Variants in INTS6L observed in about 807,000 individuals in gnomAD.
The protein encoded by INTS6L is integrator complex subunit 6 like.
A neutral mutation model predicts 64.7 loss-of-function variants in INTS6L; 18 were observed. That is an observed-to-expected ratio of 0.28 (90% CI 0.19 to 0.41). The LOEUF (loss-of-function observed/expected upper bound fraction) is 0.41. Ranked by LOEUF, INTS6L falls within the 10% of genes least tolerant of loss-of-function variation. INTS6L has a pLI of 1.00. For synonymous variants in INTS6L, 227 were observed against 235.9 expected, an observed-to-expected ratio of 0.96 and a Z score of 0.34; for missense variants, 533 against 661.0, an observed-to-expected ratio of 0.81 and a Z score of 2.12.
chrX:135,521,365 C>A (rs782583066), intron 2 of INTS6L, 47 bp downstream of exon 2: 1 of 1,140,406 alleles, frequency 8.8e-7, no homozygotes, highest in Non-Finnish European at 1.2e-6. Context: ...GGGAGCAAGT[C>A]GGCGGGGGCT....
At chrX:135,546,186 A>G (rs939344603) in intron 3 of INTS6L, among the ~76,000 whole-genome samples, 194 bp from the exon 4 acceptor site, 1 of 112,203 alleles carries the variant, frequency 8.9e-6, no homozygotes, top group Admixed American at 9.4e-5. Context: ...AGAATTCCTC[A>G]GTTTATACTG....
At chrX:135,578,667 G>A (rs1556532407) in intron 15 of INTS6L, among the ~76,000 whole-genome samples, 1 of 110,627 alleles carries the variant, frequency 9.0e-6, no homozygotes, top group African/African-American at 3.3e-5. Flanking sequence ...TTCTTCCCTC[G>A]CTTTGATACC....
chrX:135,572,625 C>T, intron 11 of INTS6L, 190 bp from the exon 12 acceptor site: 1 of 334,750 alleles, frequency 3.0e-6, no homozygotes, highest in Non-Finnish European at 5.2e-6. Context: ...TATTATTTGT[C>T]TTTCCTGCCC....
intron 9 of INTS6L, among the ~76,000 whole-genome samples, chrX:135,560,951 TTTTC>T (rs1412842273): frequency 1.5e-5 from 1 of 65,315 alleles, no homozygotes; most frequent in African/African-American, 4.7e-5. Context: ...TTTTTTTTTC[TTTTC>T]TTTCTTTTTT....
At chrX:135,581,489 A>G in intron 17 of INTS6L, 39 bp from the exon 18 acceptor site, 1 of 1,031,669 alleles carries the variant, frequency 9.7e-7, no homozygotes, top group Non-Finnish European at 1.4e-6. Flanking sequence ...TGAGTACTTT[A>G]AGTATCTTTT....
At chrX:135,573,908 T>C (rs1556529201) in intron 12 of INTS6L, 31 bp from the exon 13 acceptor site, 2 of 1,167,265 alleles carry the variant, frequency 1.7e-6, no homozygotes, top group Admixed American at 2.7e-5. Flanking sequence ...GCCTTAGGAG[T>C]AACTGAAATT....
At chrX:135,551,820 C>G (rs782595866) in intron 7 of INTS6L, among the ~76,000 whole-genome samples, 174 bp from the exon 8 acceptor site, 2 of 111,634 alleles carry the variant, frequency 1.8e-5, no homozygotes, top group Non-Finnish European at 3.8e-5. Flanking sequence ...GCCCTCTCTC[C>G]CATGGAAGCC....
intron 12 of INTS6L, among the ~76,000 whole-genome samples, chrX:135,573,538 C>T (rs1272876266): frequency 1.8e-5 from 2 of 112,596 alleles, no homozygotes; most frequent in African/African-American, 6.5e-5. Context: ...CCTATGGCAC[C>T]ACAGCAGCGG....
At chrX:135,569,716 A>T in intron 10 of INTS6L, 1 of 148,077 alleles carries the variant, frequency 6.8e-6, no homozygotes, top group Non-Finnish European at 1.3e-5. Context: ...TTTCATTGGA[A>T]TTTAAGAATA....
chrX:135,546,718 A>G lies in INTS6L; in HGVS notation c.446A>G (p.Asn149Ser). The G allele has an allele frequency of 8.3e-7, 1 of 1,207,125 alleles. No homozygotes were observed. Among genetic ancestry groups the G allele is most frequent in the Non-Finnish European group, 1.1e-6 (1 of 892,690 alleles). The part of the protein sequence containing the change: ...GVQEELHLPL[N>S]SPLPGSELTK... ...CCTTATCAGCTCCATCTTCCTTTGAATTCCCCTCTGCCTGGAAGTGAACTA... is the reference window on the plus strand; with the variant it reads ...CCTTATCAGCTCCATCTTCCTTTGAGTTCCCCTCTGCCTGGAAGTGAACTA... Residue 149 changes from asparagine (N) to serine (S), a missense_variant, in exon 5 of 18, where the codon AAT (asparagine) becomes AGT (serine). Asn to Ser is a conservative substitution (Grantham distance 46). Transcript: ENST00000639893.
chrX:135,581,354 G>C lies in INTS6L; in HGVS notation c.2589-174G>C, dbSNP rs782354814. 1.5e-3 allele frequency among the ~76,000 whole-genome samples: 171 copies of C among 111,846 alleles called. 1 individual carries two copies. The highest frequency in any genetic ancestry group is 5.3e-3 in the African/African-American group (164 of 30,833). On this transcript the variant is annotated intron_variant, in intron 17 of 17. Coordinates refer to ENST00000639893, the MANE Select transcript of INTS6L (RefSeq NM_001351601.3). Reference sequence around the variant, plus strand: ...CTACTTTTATCATAGCCTCAGGTAGGCTTGGGCCCTCAATTGCCACTATTG... The same window carrying C: ...CTACTTTTATCATAGCCTCAGGTAGCCTTGGGCCCTCAATTGCCACTATTG...
Position 135,562,931 on chromosome X carries a change from A to G in INTS6L, c.1193-6406A>G, listed in dbSNP as rs782476201. Among the ~76,000 whole-genome samples, 9 of 111,492 alleles carry G rather than the reference A, an allele frequency of 8.1e-5. No homozygotes were observed. In the South Asian group the frequency reaches 1.1e-3, roughly 14 times the overall value. ...TCATGTTTTTTAATCCACTCTGCCA[A>G]TCTTTGTTTTCTAATTGATGTATTT... On this transcript the variant is annotated intron_variant, in intron 9 of 17. Transcript: ENST00000639893.
chrX:135,543,814 A>G (rs1188115129), intron 2 of INTS6L, among the ~76,000 whole-genome samples: 1 of 112,323 alleles, frequency 8.9e-6, no homozygotes, highest in African/African-American at 3.2e-5. Flanking sequence ...CCTTTTCACT[A>G]AAGTTCAGTT....
chrX:135,568,266 A>T (rs1237423422), intron 9 of INTS6L, among the ~76,000 whole-genome samples: 1 of 111,817 alleles, frequency 8.9e-6, no homozygotes, highest in Non-Finnish European at 1.9e-5. Context: ...GTGTGAAAAG[A>T]TAGGGAATGT....
intron 2 of INTS6L, among the ~76,000 whole-genome samples, chrX:135,532,994 T>C (rs1287086594): frequency 1.8e-5 from 2 of 112,039 alleles, no homozygotes; most frequent in Non-Finnish European, 3.8e-5. Flanking sequence ...GGAAGATCAC[T>C]TGAGCCCAGG....
intron 9 of INTS6L, among the ~76,000 whole-genome samples, chrX:135,561,728 T>A (rs906219033): frequency 8.9e-6 from 1 of 112,415 alleles, no homozygotes; most frequent in Non-Finnish European, 1.9e-5. Flanking sequence ...ATTCAAATTA[T>A]GTATTTCATT....
intron 2 of INTS6L, among the ~76,000 whole-genome samples, chrX:135,524,605 A>G (rs2085680872): frequency 8.9e-6 from 1 of 111,775 alleles, no homozygotes; most frequent in Admixed American, 9.5e-5. Flanking sequence ...GTGTTATAAC[A>G]GACATGAGTT....
rs1386785694 is a variant in INTS6L at position 135,574,054 on chromosome X, A to G, written c.1733A>G (p.Gln578Arg). The G allele has an allele frequency of 1.7e-6, 2 of 1,191,668 alleles. No individual in the cohort carries two copies. Among genetic ancestry groups the G allele is most frequent in the Admixed American group, 2.5e-5 (1 of 40,768 alleles). Residue 578 changes from glutamine to arginine, a missense_variant, in exon 13 of 18, where the codon CAA (glutamine) becomes CGA (arginine). Transcript: ENST00000639893. ...AAAACGCACAAGTTTATTGTTGGAC[A>G]AGATGAAGGTAAAATAACTGTGAAA... ...LLKTHKFIVG[Q>R]DEDSLHSVPV...
Position 135,552,131 on chromosome X carries a change from C to T in INTS6L, c.1044C>T (p.Pro348=). 8 of 1,196,055 alleles carry T rather than the reference C, an allele frequency of 6.7e-6. No individual in the cohort carries two copies. Among genetic ancestry groups the T allele is most frequent in the Non-Finnish European group, 9.0e-6 (8 of 890,127 alleles). Residue 348 remains proline (P), a synonymous_variant, in exon 8 of 18, where the codon CCC becomes CCT. Coordinates refer to ENST00000639893, the MANE Select transcript of INTS6L (RefSeq NM_001351601.3). ...LTQYILERKS[P]HTCWQVFVTS... is the part of the protein sequence containing the mutation. ...AGTATATCTTGGAACGAAAGTCTCC[C>T]CATACCTGCTGGCAGGTACTTATCC...
Sources: gnomAD v4.1 joint callset for allele counts (sites outside exome capture counted in the v4.1 genomes callset) on GRCh38, gnomAD v4.1.1 for gene constraint, MANE v1.5 for transcripts, NCBI Gene and HGNC (gene_info 2026-07-23, HGNC 2026-07-21) for gene names.